Variants in TOMM70 observed in about 807,000 individuals in gnomAD.
TOMM70 encodes translocase of outer mitochondrial membrane 70, also known as mitochondrial import receptor subunit TOM70.
A neutral mutation model predicts 73.6 loss-of-function variants in TOMM70; 13 were observed. The ratio of observed to expected loss-of-function variants is 0.18; its 90% confidence interval spans 0.11 to 0.28. The LOEUF is 0.28. TOMM70 is among the 10% of genes least tolerant of loss of function. The pLI is 1.00. For synonymous variants in TOMM70, 257 were observed against 271.2 expected (o/e 0.95, Z 0.51); for missense variants, 609 against 747.5 (o/e 0.81, Z 2.16).
chr3:100,394,837 G>A (rs1033139733), intron 1 of TOMM70, among the ~76,000 whole-genome samples: 2 of 151,954 alleles, frequency 1.3e-5, no homozygotes, highest in East Asian at 3.9e-4. Flanking sequence ...TCAAACCTAG[G>A]ATAATAATAC....
chr3:100,365,638 A>G lies in TOMM70; in HGVS notation c.1753T>C (p.Tyr585His). The change falls in exon 12 of 12, where the codon TAT becomes CAT. Residue 585 changes from tyrosine (Y) to histidine (H), a missense_variant. Transcript: ENST00000284320. ...GCATGGGCGGCATCGCAAAGTGAAT[A>G]CAGATGGGCCATCTCCATTTCCGAT... ...AKSEMEMAHL[Y>H]SLCDAAHAQT... 1 of 1,614,220 alleles carries G rather than the reference A, an allele frequency of 6.2e-7. No homozygotes were observed. Among genetic ancestry groups the G allele is most frequent in the East Asian group, 2.2e-5 (1 of 44,884 alleles).
At chr3:100,368,381 A>C (rs1706470243) in intron 10 of TOMM70, among the ~76,000 whole-genome samples, 1 of 152,178 alleles carries the variant, frequency 6.6e-6, no homozygotes, top group Non-Finnish European at 1.5e-5. Context: ...TCAATGGTCT[A>C]GGCTCTATTA....
Position 100,389,318 on chromosome 3 carries a change from T to A in TOMM70, c.325-2340A>T, listed in dbSNP as rs371295811. 1.3e-4 allele frequency among the ~76,000 whole-genome samples: 20 copies of A among 151,814 alleles called. No individual in the cohort carries two copies. In the East Asian group the frequency reaches 2.5e-3, roughly 19 times the overall value. ...TAGAAATGTACAGCTTCCTTACCACTAAAAATAAACCCCCAAATAGGGAAA... is the reference window on the plus strand; with the variant it reads ...TAGAAATGTACAGCTTCCTTACCACAAAAAATAAACCCCCAAATAGGGAAA... On this transcript the variant is annotated intron_variant, in intron 1 of 11. Coordinates refer to ENST00000284320, the MANE Select transcript of TOMM70 (RefSeq NM_014820.5).
chr3:100,391,265 C>T (rs563521014), intron 1 of TOMM70, among the ~76,000 whole-genome samples: 8 of 152,132 alleles, frequency 5.3e-5, no homozygotes, highest in African/African-American at 1.7e-4. Flanking sequence ...TGTTAGTATA[C>T]TCCTACTTTT....
chr3:100,381,517 G>C, intron 5 of TOMM70, 98 bp downstream of exon 5: 1 of 857,214 alleles, frequency 1.2e-6, no homozygotes, highest in Non-Finnish European at 1.7e-6. Flanking sequence ...TAGATAGATA[G>C]CTGCTGTTGT....
intron 5 of TOMM70, among the ~76,000 whole-genome samples, chr3:100,380,738 A>G (rs574868534): frequency 6.6e-6 from 1 of 152,218 alleles, no homozygotes; most frequent in South Asian, 2.1e-4. Flanking sequence ...CCCAACTACA[A>G]TCTTCTCAAA....
intron 5 of TOMM70, 36 bp from the exon 6 acceptor site, chr3:100,377,948 A>G (rs778319617): frequency 2.7e-5 from 43 of 1,581,334 alleles, no homozygotes; most frequent in Non-Finnish European, 3.6e-5. Context: ...ATTATTTACT[A>G]AGAAAAAATT....
Position 100,365,397 on chromosome 3 carries a change from C to T in TOMM70, c.*167G>A. The stretch of plus-strand genomic sequence containing the variant: ...CTGCAAGACTGCAAACTTCCTTCAA[C>T]AGCCACACCCACAACACCTAGACAT... On this transcript the variant is annotated 3_prime_UTR_variant, in exon 12 of 12. Transcript: ENST00000284320. 1 of 978,228 alleles carries T rather than the reference C, an allele frequency of 1.0e-6. No homozygotes were observed. The highest frequency in any genetic ancestry group is 1.5e-6 in the Non-Finnish European group (1 of 688,602). The allele number at this position is 978,228 out of a possible 1,614,324, so 60.6% of individuals were successfully genotyped here. A position where few individuals can be genotyped will look rare whatever the true frequency, so the allele number is the denominator to read the frequency against.
intron 5 of TOMM70, among the ~76,000 whole-genome samples, chr3:100,379,514 G>C (rs879905310): frequency 6.6e-6 from 1 of 152,150 alleles, no homozygotes; most frequent in Non-Finnish European, 1.5e-5. Context: ...TAGAGTCCCA[G>C]CTACGCAAGA....
chr3:100,373,935 T>C (rs1350922557), intron 7 of TOMM70, among the ~76,000 whole-genome samples: 1 of 152,196 alleles, frequency 6.6e-6, no homozygotes, highest in Non-Finnish European at 1.5e-5. Flanking sequence ...CTAAACATCC[T>C]GTACATTCTA....
chr3:100,377,593 A>G, intron 6 of TOMM70, 112 bp downstream of exon 6: 1 of 996,138 alleles, frequency 1.0e-6, no homozygotes, highest in African/African-American at 1.6e-5. Context: ...TTCAAAAACA[A>G]AAACAGCCCT....
At chr3:100,369,847 A>T (rs149260451) in intron 9 of TOMM70, among the ~76,000 whole-genome samples, 26 of 152,290 alleles carry the variant, frequency 1.7e-4, no homozygotes, top group South Asian at 4.1e-4. Flanking sequence ...ATAAGTTAAG[A>T]TGTATGTGTT....
chr3:100,397,846 G>A (rs989575753), intron 1 of TOMM70, among the ~76,000 whole-genome samples: 7 of 151,780 alleles, frequency 4.6e-5, no homozygotes, highest in Admixed American at 6.6e-5. Context: ...CCGAGACCTC[G>A]CCATTGCACT....
chr3:100,372,959 G>GTT (rs1332428476), intron 8 of TOMM70, among the ~76,000 whole-genome samples: 7 of 152,016 alleles, frequency 4.6e-5, no homozygotes, highest in African/African-American at 7.3e-5. Context: ...GTAGAAGAGG[G>GTT]CATACTAATT....
At chr3:100,394,365 C>CTTTTCTTTTTTTTTT (rs769287867) in intron 1 of TOMM70, among the ~76,000 whole-genome samples, 8 of 131,388 alleles carry the variant, frequency 6.1e-5, no homozygotes, top group African/African-American at 2.4e-4. Context: ...GTTACTTTTT[C>CTTTTCTTTTTTTTTT]TTTTTTTTTT....
intron 10 of TOMM70, 94 bp downstream of exon 10, chr3:100,368,944 A>T: frequency 1.2e-6 from 1 of 843,242 alleles, no homozygotes; most frequent in Non-Finnish European, 1.9e-6. Context: ...TAACTTCTCT[A>T]CCACAGTCCC....
chr3:100,376,389 C>T (rs1559831478), intron 6 of TOMM70, among the ~76,000 whole-genome samples: 1 of 86,084 alleles, frequency 1.2e-5, no homozygotes, highest in Admixed American at 1.2e-4. Flanking sequence ...TTTTTTGAGA[C>T]AGGATCTCTG....
intron 1 of TOMM70, among the ~76,000 whole-genome samples, chr3:100,395,293 C>T (rs560384283): frequency 4.2e-4 from 64 of 152,124 alleles, no homozygotes; most frequent in African/African-American, 1.3e-3. Flanking sequence ...CGGTTGAACC[C>T]GGGAGGCAGA....
intron 1 of TOMM70, among the ~76,000 whole-genome samples, chr3:100,395,510 T>A (rs1425164005): frequency 3.0e-5 from 4 of 133,338 alleles, no homozygotes; most frequent in Non-Finnish European, 6.1e-5. Context: ...ACCACTGCAC[T>A]CCAGCCTGGG....
Sources: gnomAD v4.1 joint callset for allele counts (sites outside exome capture counted in the v4.1 genomes callset) on GRCh38, gnomAD v4.1.1 for gene constraint, MANE v1.5 for transcripts, NCBI Gene and HGNC (gene_info 2026-07-23, HGNC 2026-07-21) for gene names.